The following MAML3 variants were observed in gnomAD, a reference collection of about 807,000 sequenced individuals.
MAML3 encodes the protein mastermind-like protein 3.
MAML3 carries 27 observed loss-of-function variants against 101.9 expected under a neutral mutation model. That is an observed-to-expected ratio of 0.27 (90% CI 0.20 to 0.37). The LOEUF (loss-of-function observed/expected upper bound fraction) is 0.37. MAML3 is among the 10% of genes least tolerant of loss of function. The pLI is 1.00. For missense variants in MAML3, 1,316 were observed against 1,444.9 expected (o/e 0.91, Z 1.45); for synonymous variants, 501 against 555.9 (o/e 0.90, Z 1.39).
intron 2 of MAML3, among the ~76,000 whole-genome samples, chr4:139,803,321 T>A (rs889655034): frequency 6.6e-6 from 1 of 152,220 alleles, no homozygotes; most frequent in East Asian, 1.9e-4. Flanking sequence ...TTTAAAAGAA[T>A]TTTTTAAAAT....
At position 139,768,242 on chromosome 4, in the gene MAML3, GTGTGTGTGTGTGTGTGTGTGTGTGTTGC is replaced by G. The variant is rs1317091725; in HGVS notation, c.2080-37603_2080-37576del. On this transcript the variant is annotated intron_variant, in intron 2 of 4. Coordinates refer to ENST00000509479, the MANE Select transcript of MAML3 (RefSeq NM_018717.5). The stretch of plus-strand genomic sequence containing the variant: ...GATAGTTGTGTGTGTGTGTGTGTGT[GTGTGTGTGTGTGTGTGTGTGTGTGTTGC>G]TGTTCTTTAATTAGGTCCTAATTGA... Among the ~76,000 whole-genome samples the G allele has an allele frequency of 4.3e-3, 650 of 151,570 alleles. 6 individuals carry two copies. The highest frequency in any genetic ancestry group is 0.014 in the African/African-American group (584 of 41,322).
chr4:139,809,245 A>G (rs1032306922), intron 2 of MAML3, among the ~76,000 whole-genome samples: 1 of 152,224 alleles, frequency 6.6e-6, no homozygotes, highest in African/African-American at 2.4e-5. Flanking sequence ...TAAGGTAGGC[A>G]AAGACTAGCT....
At chr4:140,014,987 G>T (rs1261641045) in intron 1 of MAML3, among the ~76,000 whole-genome samples, 3 of 152,032 alleles carry the variant, frequency 2.0e-5, no homozygotes, top group Non-Finnish European at 1.5e-5. Flanking sequence ...AAACTGAAAA[G>T]TATTTCAAAA....
At chr4:140,144,897 G>A (rs555495928) in intron 1 of MAML3, among the ~76,000 whole-genome samples, 12 of 152,140 alleles carry the variant, frequency 7.9e-5, no homozygotes, top group Non-Finnish European at 1.8e-4. Flanking sequence ...ACTAGTTCAA[G>A]CCCTTTACTG....
chr4:139,777,036 G>A (rs17050908), intron 2 of MAML3, among the ~76,000 whole-genome samples: 2,526 of 151,246 alleles, frequency 0.017, 64 homozygotes, highest in African/African-American at 0.059. Context: ...ATATAGGAAG[G>A]GTTTTGGAGG....
At chr4:139,773,072 G>T (rs148000489) in intron 2 of MAML3, among the ~76,000 whole-genome samples, 315 of 152,214 alleles carry the variant, frequency 2.1e-3, no homozygotes, top group Non-Finnish European at 3.7e-3. Context: ...CATATGCCCA[G>T]ATTTTTTTGG....
intron 1 of MAML3, among the ~76,000 whole-genome samples, chr4:140,002,860 T>C (rs1726346495): frequency 6.6e-6 from 1 of 152,224 alleles, no homozygotes; most frequent in Non-Finnish European, 1.5e-5. Context: ...CAGTGACCCT[T>C]GTACTGCAGA....
intron 1 of MAML3, among the ~76,000 whole-genome samples, chr4:140,072,445 C>T (rs1350173021): frequency 2.6e-5 from 4 of 151,692 alleles, no homozygotes; most frequent in South Asian, 4.2e-4. Context: ...CCAAGGTGGG[C>T]GGATCACCTG....
Position 140,017,419 on chromosome 4 carries a change from A to G in MAML3, c.469-126452T>C, listed in dbSNP as rs145480667. ...TTTAAAAACTAAACATGCAACTACC[A>G]TATGACCAAGCAGTTGTACTCCTGG... On this transcript the variant is annotated intron_variant, in intron 1 of 4. Coordinates refer to ENST00000509479, the MANE Select transcript of MAML3 (RefSeq NM_018717.5). Among the ~76,000 whole-genome samples the G allele has an allele frequency of 7.7e-4, 118 of 152,284 alleles. 1 individual carries two copies. Among genetic ancestry groups the G allele is most frequent in the African/African-American group, 2.6e-3 (110 of 41,582 alleles).
chr4:140,097,690 T>C (rs1309757438), intron 1 of MAML3, among the ~76,000 whole-genome samples: 1 of 151,864 alleles, frequency 6.6e-6, no homozygotes, highest in Non-Finnish European at 1.5e-5. Context: ...GACAGAATGA[T>C]GGGAAAGAAG....
chr4:140,047,077 T>A (rs939614226), intron 1 of MAML3, among the ~76,000 whole-genome samples: 2 of 152,004 alleles, frequency 1.3e-5, no homozygotes, highest in African/African-American at 4.8e-5. Flanking sequence ...AGGGTTTCAG[T>A]GAAGAAACTG....
intron 1 of MAML3, among the ~76,000 whole-genome samples, chr4:139,905,144 C>A (rs1162615831): frequency 6.6e-5 from 10 of 152,272 alleles, no homozygotes; most frequent in Non-Finnish European, 1.3e-4. Context: ...TTTCAGGAGA[C>A]ACTGGAGGAA....
chr4:139,798,053 AAAGAAAGAAAGAAAG>A (rs1730544566), intron 2 of MAML3, among the ~76,000 whole-genome samples: 1 of 127,340 alleles, frequency 7.9e-6, no homozygotes, highest in Non-Finnish European at 1.6e-5. Context: ...AGAAAGAAAG[AAAGAAAGAAAGAAAG>A]AAAGAAAGAA....
At chr4:140,014,990 T>G (rs924291465) in intron 1 of MAML3, among the ~76,000 whole-genome samples, 1 of 152,186 alleles carries the variant, frequency 6.6e-6, no homozygotes, top group African/African-American at 2.4e-5. Context: ...CTGAAAAGTA[T>G]TTCAAAATTC....
intron 2 of MAML3, among the ~76,000 whole-genome samples, chr4:139,872,027 G>T (rs2320535): frequency 0.79 from 120,863 of 152,164 alleles, 48,538 homozygotes; most frequent in African/African-American, 0.92. Flanking sequence ...GAAGTGAACA[G>T]CAGGCACTAA....
intron 1 of MAML3, among the ~76,000 whole-genome samples, chr4:140,039,166 A>G (rs1727037863): frequency 6.6e-6 from 1 of 152,198 alleles, no homozygotes; most frequent in African/African-American, 2.4e-5. Flanking sequence ...CAAATTAAAC[A>G]CAATGCCATA....
At chr4:139,804,320 G>A (rs1730667305) in intron 2 of MAML3, among the ~76,000 whole-genome samples, 1 of 150,954 alleles carries the variant, frequency 6.6e-6, no homozygotes, top group Non-Finnish European at 1.5e-5. Context: ...AGGCTGGAGT[G>A]CAATGGCGTG....
intron 1 of MAML3, among the ~76,000 whole-genome samples, chr4:140,045,094 T>C (rs972185848): frequency 2.6e-5 from 4 of 152,218 alleles, no homozygotes; most frequent in African/African-American, 9.6e-5. Flanking sequence ...TTTTAATGTA[T>C]TTTTAAAAAA....
chr4:139,980,118 C>T (rs957867825), intron 1 of MAML3, among the ~76,000 whole-genome samples: 2 of 152,170 alleles, frequency 1.3e-5, no homozygotes, highest in Non-Finnish European at 2.9e-5. Context: ...AAGCCCAGCC[C>T]GGACTCCAGC....
Sources: gnomAD v4.1 joint callset for allele counts (sites outside exome capture counted in the v4.1 genomes callset) on GRCh38, gnomAD v4.1.1 for gene constraint, MANE v1.5 for transcripts, NCBI Gene and HGNC (gene_info 2026-07-23, HGNC 2026-07-21) for gene names.